Variants in DZIP3 observed in about 807,000 individuals in gnomAD.
The protein encoded by DZIP3 is E3 ubiquitin-protein ligase DZIP3.
In DZIP3, 118 loss-of-function variants were observed where a neutral mutation model predicts 162.0. The observed-to-expected ratio is 0.73, with a 90% CI of 0.63 to 0.85. The LOEUF (loss-of-function observed/expected upper bound fraction) is 0.85. DZIP3 is among the 40% of genes least tolerant of loss of function. DZIP3 has a pLI of 0.00. For missense variants in DZIP3, 1,331 were observed against 1,407.0 expected, an observed-to-expected ratio of 0.95 and a Z score of 0.86; for synonymous variants, 438 against 458.6, an observed-to-expected ratio of 0.96 and a Z score of 0.57.
chr3:108,664,705 C>T (rs150952251), intron 21 of DZIP3, among the ~76,000 whole-genome samples: 1 of 152,220 alleles, frequency 6.6e-6, no homozygotes, highest in Non-Finnish European at 1.5e-5. Context: ...GAACTTCTGC[C>T]TCCACCCTGC....
At chr3:108,626,085 T>C in intron 7 of DZIP3, 116 bp downstream of exon 7, 1 of 1,182,220 alleles carries the variant, frequency 8.5e-7, no homozygotes, top group Non-Finnish European at 1.1e-6. Context: ...TGTTTTATCC[T>C]TTTCTTCTTT....
At chr3:108,662,005 T>C (rs770673482) in intron 20 of DZIP3, 33 bp downstream of exon 20, 2 of 1,599,226 alleles carry the variant, frequency 1.3e-6, no homozygotes, top group Non-Finnish European at 1.7e-6. Context: ...CTGATGGAAG[T>C]GAGAAGTATT....
chr3:108,654,029 C>A, intron 18 of DZIP3, 116 bp from the exon 19 acceptor site: 1 of 1,074,586 alleles, frequency 9.3e-7, no homozygotes, highest in Non-Finnish European at 1.3e-6. Context: ...GATCATGAAC[C>A]CTTCTAATGC....
chr3:108,687,959 T>C lies in DZIP3; in HGVS notation c.3150-17T>C. ...GGAAAATCATTACTGCCCTTTCCTT[T>C]CCTTGATCTCTTGCAGAAAGGAACT... is the stretch of plus-strand genomic sequence containing the variant. On this transcript the variant is annotated splice_polypyrimidine_tract_variant and intron_variant, in intron 28 of 32. Transcript: ENST00000361582. The C allele has an allele frequency of 1.2e-6, 2 of 1,613,310 alleles. No individual in the cohort carries two copies. The highest frequency in any genetic ancestry group is 1.7e-6 in the Non-Finnish European group (2 of 1,179,696).
At chr3:108,680,735 G>GCTA (rs1362666427) in intron 26 of DZIP3, among the ~76,000 whole-genome samples, 2 of 152,060 alleles carry the variant, frequency 1.3e-5, no homozygotes, top group Admixed American at 1.3e-4. Flanking sequence ...AGTTAGAATA[G>GCTA]CTACTGGTAC....
intron 3 of DZIP3, among the ~76,000 whole-genome samples, chr3:108,608,512 C>T (rs1166961965): frequency 2.0e-5 from 3 of 152,078 alleles, no homozygotes; most frequent in Non-Finnish European, 4.4e-5. Flanking sequence ...AGAAAACACA[C>T]ATACACACAT....
intron 2 of DZIP3, 84 bp from the exon 3 acceptor site, chr3:108,608,005 T>G (rs1940475636): frequency 4.2e-6 from 5 of 1,181,838 alleles, no homozygotes; most frequent in Non-Finnish European, 6.3e-6. Flanking sequence ...CAGACAATAA[T>G]TCAATTGTTA....
chr3:108,671,430 T>C (rs1315587166), intron 22 of DZIP3, among the ~76,000 whole-genome samples: 1 of 151,908 alleles, frequency 6.6e-6, no homozygotes, highest in East Asian at 1.9e-4. Flanking sequence ...TGTATGCTTA[T>C]AGAATTCTGG....
chr3:108,646,410 T>C (rs1478549549), intron 14 of DZIP3, among the ~76,000 whole-genome samples: 1 of 152,228 alleles, frequency 6.6e-6, no homozygotes, highest in Non-Finnish European at 1.5e-5. Flanking sequence ...TTACTTTTTT[T>C]TCTCTAATCA....
intron 1 of DZIP3, among the ~76,000 whole-genome samples, chr3:108,590,818 C>T (rs1433972309): frequency 6.6e-6 from 1 of 152,012 alleles, no homozygotes; most frequent in Non-Finnish European, 1.5e-5. Context: ...TAAAATCTGG[C>T]CAAGGGAGAT....
At chr3:108,619,327 T>G (rs1007831510) in intron 5 of DZIP3, among the ~76,000 whole-genome samples, 2,799 of 150,552 alleles carry the variant, frequency 0.019, 90 homozygotes, top group African/African-American at 0.066. Flanking sequence ...TGTGTGTGTT[T>G]TGTTTTATAT....
At chr3:108,602,621 T>A (rs918642010) in intron 1 of DZIP3, among the ~76,000 whole-genome samples, 24 of 152,206 alleles carry the variant, frequency 1.6e-4, no homozygotes, top group African/African-American at 5.3e-4. Context: ...GAAACTAGAT[T>A]TACCTTTCTT....
intron 3 of DZIP3, 109 bp from the exon 4 acceptor site, chr3:108,611,065 C>A: frequency 9.3e-7 from 1 of 1,071,448 alleles, no homozygotes; most frequent in Non-Finnish European, 1.3e-6. Flanking sequence ...GCTAGGAGAA[C>A]AAGGGAAAAT....
intron 1 of DZIP3, among the ~76,000 whole-genome samples, chr3:108,598,835 C>T (rs1486372260): frequency 6.6e-6 from 1 of 152,160 alleles, no homozygotes; most frequent in Non-Finnish European, 1.5e-5. Flanking sequence ...TTTCTAGCTA[C>T]GTTTCTGAAG....
chr3:108,625,666 C>CT (rs1941558380), intron 6 of DZIP3, among the ~76,000 whole-genome samples, 179 bp from the exon 7 acceptor site: 1 of 152,042 alleles, frequency 6.6e-6, no homozygotes, highest in African/African-American at 2.4e-5. Flanking sequence ...TAAACACTGA[C>CT]TACATGATCT....
intron 24 of DZIP3, among the ~76,000 whole-genome samples, 169 bp from the exon 25 acceptor site, chr3:108,675,617 A>G (rs906682510): frequency 2.0e-5 from 3 of 152,070 alleles, no homozygotes; most frequent in Non-Finnish European, 2.9e-5. Flanking sequence ...TGTTATTTTT[A>G]GTAACAAACC....
At chr3:108,657,890 AG>A (rs1464390759) in intron 19 of DZIP3, among the ~76,000 whole-genome samples, 1 of 152,212 alleles carries the variant, frequency 6.6e-6, no homozygotes, top group Non-Finnish European at 1.5e-5. Context: ...AAAGAGACAA[AG>A]AAGGTCTTTA....
At chr3:108,673,354 T>C (rs1424422957) in intron 23 of DZIP3, among the ~76,000 whole-genome samples, 1 of 151,956 alleles carries the variant, frequency 6.6e-6, no homozygotes, top group African/African-American at 2.4e-5. Flanking sequence ...ACTGTTGGGG[T>C]ACTAGCTTTA....
intron 28 of DZIP3, 131 bp downstream of exon 28, chr3:108,686,715 C>T (rs1944513028): frequency 9.0e-7 from 1 of 1,116,070 alleles, no homozygotes; most frequent in Non-Finnish European, 1.2e-6. Context: ...CTTACCTTGA[C>T]CTTGGTAAGG....
Sources: allele counts gnomAD v4.1 joint callset (sites outside exome capture counted in the v4.1 genomes callset), GRCh38; gene constraint gnomAD v4.1.1; transcripts MANE v1.5; gene names NCBI Gene and HGNC (gene_info 2026-07-23, HGNC 2026-07-21).